Variants in NLRC5 observed in about 807,000 individuals in gnomAD.
NLRC5 encodes NLR family CARD domain containing 5.
A neutral mutation model predicts 206.9 loss-of-function variants in NLRC5; 114 were observed. The ratio of observed to expected loss-of-function variants is 0.55; its 90% CI spans 0.47 to 0.64. The LOEUF (loss-of-function observed/expected upper bound fraction) is 0.64. Among genes scored for constraint, NLRC5 ranks in the 30% least tolerant of loss-of-function variants. NLRC5 has a pLI of 0.00. For missense variants in NLRC5, 2,008 were observed against 2,305.5 expected (o/e 0.87, Z 2.64); for synonymous variants, 952 against 962.8 (o/e 0.99, Z 0.21).
chr16:56,998,211 T>C (rs1348820319), intron 1 of NLRC5, among the ~76,000 whole-genome samples: 1 of 148,952 alleles, frequency 6.7e-6, no homozygotes, highest in Non-Finnish European at 1.5e-5. Flanking sequence ...TTTTTTTTTT[T>C]ACTTTAAAAA....
intron 13 of NLRC5, 55 bp from the exon 14 acceptor site, chr16:57,036,045 G>A (rs1597285944): frequency 1.3e-6 from 2 of 1,515,468 alleles, no homozygotes; most frequent in East Asian, 2.3e-5. Context: ...TAAGTGATGG[G>A]GATTGAGGGA....
At position 57,066,601 on chromosome 16, in the gene NLRC5, G is replaced by C; in HGVS notation, c.4309G>C (p.Ala1437Pro). ...TCCTCGCCAGGAAGAGAATCCAGAA[G>C]CTGTGGCACTCAGGTGGGACCCAGC... ...EFPRQEENPEAVALRLAHCDL... is the reference protein window; with the variant it reads ...EFPRQEENPEPVALRLAHCDL... The change falls in exon 34 of 49, where the codon GCT becomes CCT. Residue 1437 changes from alanine (A) to proline (P), a missense_variant. By Grantham distance (27) the Ala-to-Pro change is conservative (BLOSUM62 -1). Transcript: ENST00000688547. The C allele has an allele frequency of 6.2e-7, 1 of 1,613,996 alleles. No homozygotes were observed. The highest frequency in any genetic ancestry group is 1.1e-5 in the South Asian group (1 of 91,070).
rs971123453 is a variant in NLRC5, at chr16:56,991,672, G to A, written c.-128+2055G>A. 4.3e-5 allele frequency among the ~76,000 whole-genome samples: 6 copies of A among 137,954 alleles called. 1 individual carries two copies. In the South Asian group the frequency reaches 7.2e-4, roughly 17 times the overall value. The allele number at this position is 137,954 out of a possible 152,430, so 90.5% of individuals were successfully genotyped here. A position where few individuals can be genotyped will look rare whatever the true frequency, so the allele number is the denominator to read the frequency against. On this transcript the variant is annotated intron_variant, in intron 1 of 48. Coordinates refer to ENST00000688547, the MANE Select transcript of NLRC5 (RefSeq NM_001384950.1). ...ATTATAGGCGTGAGCCATCTTGCCC[G>A]GACTCCTTTTTTTTTTTTTTTTTTT...
Position 57,047,618 on chromosome 16 carries a change from C to T in NLRC5, c.3412C>T (p.Leu1138=). 3.1e-6 allele frequency: 5 copies of T among 1,612,994 alleles called. No individual in the cohort carries two copies. Among genetic ancestry groups the T allele is most frequent in the Non-Finnish European group, 4.2e-6 (5 of 1,179,532 alleles). The change falls in exon 23 of 49, where the codon CTG becomes TTG. Residue 1138 remains leucine, a synonymous_variant. Coordinates refer to ENST00000688547, the MANE Select transcript of NLRC5 (RefSeq NM_001384950.1). ...CACTCTGAAGGACTGCCCGGGACCC[C>T]TGGAACTGCAGTAAGTAACGAGGAC... ...CATLKDCPGP[L]ELQLSCEFLS...
chr16:57,024,995 G>C (rs2061124184), intron 5 of NLRC5, among the ~76,000 whole-genome samples: 1 of 152,134 alleles, frequency 6.6e-6, no homozygotes, highest in Non-Finnish European at 1.5e-5. Context: ...GGGCAAGACT[G>C]AGACTCTGTC....
intron 4 of NLRC5, among the ~76,000 whole-genome samples, chr16:57,022,756 C>T (rs1160564261): frequency 2.0e-5 from 3 of 152,352 alleles, no homozygotes; most frequent in African/African-American, 4.8e-5. Flanking sequence ...TGAAGGAGCT[C>T]GGAAGGGCCA....
chr16:57,036,091 C>T lies in NLRC5; in HGVS notation c.2628-9C>T. The T allele has an allele frequency of 6.4e-7, 1 of 1,572,358 alleles. No individual in the cohort carries two copies. The highest frequency in any genetic ancestry group is 8.6e-7 in the Non-Finnish European group (1 of 1,164,122). On this transcript the variant is annotated splice_polypyrimidine_tract_variant and intron_variant, in intron 13 of 48. Coordinates refer to ENST00000688547, the MANE Select transcript of NLRC5 (RefSeq NM_001384950.1). ...CCCACAATACAGTGCATTGGGCCCC[C>T]CGTCTCAGCCTCTCAGGGAACCAGC...
intron 1 of NLRC5, among the ~76,000 whole-genome samples, chr16:56,997,781 A>G (rs1024098586): frequency 2.8e-4 from 42 of 152,084 alleles, no homozygotes; most frequent in African/African-American, 9.6e-4. Context: ...GGGTTTCTCC[A>G]TGTTGCCCAG....
Position 57,083,201 on chromosome 16 carries a change from C to CTG in NLRC5, c.*673_*674insTG, listed in dbSNP as rs1394960528. On this transcript the variant is annotated 3_prime_UTR_variant, in exon 49 of 49. Coordinates refer to ENST00000688547, the MANE Select transcript of NLRC5 (RefSeq NM_001384950.1). ...CCCTCCTGCCTCAATCCTCAGCCTA[C>CTG]CCATCTATAAACTTGATGACTCCTC... 3.9e-5 allele frequency: 6 copies of CTG among 152,340 alleles called. No individual in the cohort carries two copies. The highest frequency in any genetic ancestry group is 8.8e-5 in the Non-Finnish European group (6 of 68,148). 9.4% of individuals were successfully genotyped at this position (152,340 alleles called of 1,614,324 possible). A position where few individuals can be genotyped will look rare whatever the true frequency, so the allele number is the denominator to read the frequency against.
At chr16:56,992,956 A>T (rs2057090779) in intron 1 of NLRC5, among the ~76,000 whole-genome samples, 2 of 152,146 alleles carry the variant, frequency 1.3e-5, no homozygotes, top group Non-Finnish European at 1.5e-5. Flanking sequence ...ATTTGGAAAG[A>T]TATAATGAAA....
chr16:57,070,044 G>C (rs1168246950), intron 37 of NLRC5, 125 bp downstream of exon 37: 3 of 750,374 alleles, frequency 4.0e-6, no homozygotes, highest in Non-Finnish European at 6.6e-6. Flanking sequence ...CCCTGATGAA[G>C]TGCAGCAGTT....
In NLRC5 at chr16:57,077,982, G is replaced by C; in HGVS notation, c.5043G>C (p.Gly1681=). Residue 1681 remains glycine (G), a synonymous_variant, in exon 43 of 49, where the codon GGG becomes GGC. Transcript: ENST00000688547. ...CNALGDPTAL[G]LAQELPQHLR... ...CCCTGGGGGATCCCACAGCCCTGGG[G>C]CTGGCTCAGGAGCTGCCCCAGCACC... 1 of 1,611,744 alleles carries C rather than the reference G, an allele frequency of 6.2e-7. No individual in the cohort carries two copies. The highest frequency in any genetic ancestry group is 8.5e-7 in the Non-Finnish European group (1 of 1,178,684).
chr16:57,067,665 C>T lies in NLRC5; in HGVS notation c.4407-71C>T, dbSNP rs2067218093. 31 of 1,491,876 alleles carry T rather than the reference C, an allele frequency of 2.1e-5. No homozygotes were observed. In the South Asian group the frequency reaches 3.4e-4, roughly 16 times the overall value. The allele number at this position is 1,491,876 out of a possible 1,614,324, so 92.4% of individuals were successfully genotyped here. Reference sequence around the variant, plus strand: ...GGCCCCTTCTCCTCTCTTGGCACCCCCTTCTGGATGTGATGACCTCTGAGG... The same window carrying T: ...GGCCCCTTCTCCTCTCTTGGCACCCTCTTCTGGATGTGATGACCTCTGAGG... On this transcript the variant is annotated intron_variant, in intron 35 of 48. Coordinates refer to ENST00000688547, the MANE Select transcript of NLRC5 (RefSeq NM_001384950.1).
Position 57,009,320 on chromosome 16 carries a change from G to A in NLRC5, c.-127-7754G>A, listed in dbSNP as rs1438372992. ...AATAAATAAATAAATAAAGCTGGGC[G>A]CAGTGGCTCATGCCTCTAATCACAG... On this transcript the variant is annotated intron_variant, in intron 1 of 48. Coordinates refer to ENST00000688547, the MANE Select transcript of NLRC5 (RefSeq NM_001384950.1). Among the ~76,000 whole-genome samples, 4 of 145,852 alleles carry A rather than the reference G, an allele frequency of 2.7e-5. No homozygotes were observed. The South Asian group carries it at 8.9e-4, about 33-fold the overall frequency.
Position 57,047,529 on chromosome 16 carries a change from C to T in NLRC5, c.3339-16C>T. ...GCTTTCTCTGATTCCCTGCCCTGCC[C>T]ATTGCCCCTTTGCAGCCTCAGTGAG... On this transcript the variant is annotated splice_polypyrimidine_tract_variant and intron_variant, in intron 22 of 48. Transcript: ENST00000688547. The T allele has an allele frequency of 1.2e-6, 2 of 1,608,152 alleles. No individual in the cohort carries two copies. The highest frequency in any genetic ancestry group is 1.7e-6 in the Non-Finnish European group (2 of 1,176,958).
intron 1 of NLRC5, among the ~76,000 whole-genome samples, chr16:56,993,311 C>G (rs1489099064): frequency 6.6e-6 from 1 of 151,820 alleles, no homozygotes; most frequent in Non-Finnish European, 1.5e-5. Context: ...TGCCCTTTCC[C>G]TCTTTCTTTT....
chr16:57,015,627 TAAATA>T, intron 1 of NLRC5, among the ~76,000 whole-genome samples: 1 of 149,850 alleles, frequency 6.7e-6, no homozygotes, highest in East Asian at 2.0e-4. Flanking sequence ...AATAAATAAA[TAAATA>T]AATAAAGGAA....
chr16:57,025,555 T>C lies in NLRC5; in HGVS notation c.612T>C (p.Gly204=). Residue 204 remains glycine (G), a synonymous_variant, in exon 6 of 49, where the codon GGT becomes GGC. Coordinates refer to ENST00000688547, the MANE Select transcript of NLRC5 (RefSeq NM_001384950.1). ...AIMGDVKVED[G]ADVSISDLFN... is the part of the protein sequence containing the mutation. ...TGGGGGACGTCAAGGTGGAAGATGG[T>C]GCTGACGTGAGCATCTCGGACCTCT... The C allele has an allele frequency of 6.2e-7, 1 of 1,613,832 alleles. No homozygotes were observed. The highest frequency in any genetic ancestry group is 8.5e-7 in the Non-Finnish European group (1 of 1,179,816).
intron 1 of NLRC5, among the ~76,000 whole-genome samples, chr16:57,009,946 G>C (rs2059321430): frequency 6.6e-6 from 1 of 152,202 alleles, no homozygotes; most frequent in African/African-American, 2.4e-5. Flanking sequence ...ACAGAGACCA[G>C]GGAGGAGGCT....
Sources: gnomAD v4.1 joint callset for allele counts (sites outside exome capture counted in the v4.1 genomes callset) on GRCh38, gnomAD v4.1.1 for gene constraint, MANE v1.5 for transcripts, NCBI Gene and HGNC (gene_info 2026-07-23, HGNC 2026-07-21) for gene names.